Variants in SEM1 observed in about 807,000 individuals in gnomAD.
The protein encoded by SEM1 is 26S proteasome complex subunit SEM1.
In SEM1, 3 loss-of-function variants were observed where a neutral mutation model predicts 12.7. The ratio of observed to expected loss-of-function variants is 0.24; its 90% CI spans 0.11 to 0.61. The LOEUF (loss-of-function observed/expected upper bound fraction) is 0.61, where lower values mean the gene tolerates loss of function less well. Ranked by LOEUF, SEM1 falls within the 20% of genes least tolerant of loss-of-function variation. The pLI is 0.88. For missense variants in SEM1, 59 were observed against 81.3 expected (o/e 0.73, Z 1.06); for synonymous variants, 30 against 27.8 (o/e 1.08, Z -0.25).
chr7:96,698,560 C>G (rs1240662833), intron 1 of SEM1, among the ~76,000 whole-genome samples: 3 of 152,132 alleles, frequency 2.0e-5, no homozygotes, highest in African/African-American at 7.2e-5. Context: ...ATGATGGTTT[C>G]CAGCTTCATC....
intron 2 of SEM1, among the ~76,000 whole-genome samples, chr7:96,572,906 T>C (rs1021705717): frequency 3.3e-5 from 5 of 152,188 alleles, no homozygotes; most frequent in African/African-American, 9.7e-5. Flanking sequence ...ACTATTATTT[T>C]GTGAGAGTCT....
At chr7:96,576,978 G>A (rs556220818) in intron 2 of SEM1, among the ~76,000 whole-genome samples, 63 of 152,116 alleles carry the variant, frequency 4.1e-4, no homozygotes, top group African/African-American at 5.3e-4. Context: ...TTAGCCAGGC[G>A]TGGTGGCATG....
chr7:96,664,261 G>A (rs912639307), intron 2 of SEM1: 9 of 152,174 alleles, frequency 5.9e-5, no homozygotes. Context: ...GGTGTTAGCC[G>A]ACTGCATTCC....
chr7:96,639,214 T>C (rs549827441), intron 2 of SEM1, among the ~76,000 whole-genome samples: 1 of 152,078 alleles, frequency 6.6e-6, no homozygotes, highest in African/African-American at 2.4e-5. Context: ...TCAAAATATA[T>C]GGTCTTTTAA....
chr7:96,523,389 C>A (rs1804346271), intron 2 of SEM1, among the ~76,000 whole-genome samples: 1 of 151,986 alleles, frequency 6.6e-6, no homozygotes, highest in African/African-American at 2.4e-5. Flanking sequence ...AGAGGCGGGG[C>A]TTAGATTACT....
intron 2 of SEM1, among the ~76,000 whole-genome samples, chr7:96,509,318 C>A (rs911899867): frequency 6.6e-6 from 1 of 151,838 alleles, no homozygotes. Context: ...GAGACGCAAT[C>A]TTTATTATCA....
At chr7:96,541,440 T>TTTG (rs1241335022) in intron 2 of SEM1, among the ~76,000 whole-genome samples, 1 of 134,930 alleles carries the variant, frequency 7.4e-6, no homozygotes, top group African/African-American at 3.0e-5. Flanking sequence ...GGTTTTTTTT[T>TTTG]TTGTTTTTTT....
chr7:96,644,337 G>C (rs1401357134), intron 2 of SEM1, among the ~76,000 whole-genome samples: 3 of 152,086 alleles, frequency 2.0e-5, no homozygotes, highest in African/African-American at 7.2e-5. Flanking sequence ...AGTTCTATCA[G>C]CCTTGTAGAT....
intron 1 of SEM1, among the ~76,000 whole-genome samples, chr7:96,486,891 T>A (rs1161421892): frequency 6.6e-6 from 1 of 152,206 alleles, no homozygotes; most frequent in Non-Finnish European, 1.5e-5. Context: ...GTTCTTCTTC[T>A]GTGCCCCTGG....
exon 4 of SEM1, chr7:96,481,736 A>G (rs531425335): frequency 2.0e-5 from 3 of 152,316 alleles, no homozygotes; most frequent in African/African-American, 7.2e-5. Context: ...TCATATATGA[A>G]CATTTTAATT....
intron 2 of SEM1, among the ~76,000 whole-genome samples, chr7:96,551,105 G>C (rs979463734): frequency 6.6e-5 from 10 of 152,106 alleles, no homozygotes; most frequent in Admixed American, 5.9e-4. Context: ...ATATACAGGA[G>C]AGCACTTAAG....
intron 2 of SEM1, among the ~76,000 whole-genome samples, chr7:96,650,719 T>C (rs995366568): frequency 3.9e-5 from 6 of 151,950 alleles, no homozygotes; most frequent in African/African-American, 1.5e-4. Context: ...TCCAAAACTC[T>C]CACCATGTAA....
Position 96,658,347 on chromosome 7 carries a change from GA to G in SEM1, c.171-35705del, listed in dbSNP as rs1428723111. Among the ~76,000 whole-genome samples, 10 of 152,254 alleles carry G rather than the reference GA, an allele frequency of 6.6e-5. No individual in the cohort carries two copies. The East Asian group carries it at 1.5e-3, about 24-fold the overall frequency. On this transcript the variant is annotated intron_variant, in intron 2 of 2. Transcript: ENST00000417009. ...TGTGTTTGATCTATGCACTCACTTG[GA>G]AGATCAGAAATGCTTGGAAAATGCA... is the stretch of plus-strand genomic sequence containing the variant.
rs549766341 is a variant in SEM1, at chr7:96,674,381, C to T, written c.171-522G>A. On this transcript the variant is annotated intron_variant, in intron 2 of 2. Transcript: ENST00000413065. ...TCAAAAGAAGTATACAGGCTGGGTG[C>T]GGTGGCTCACACCTGTAATCCCAGT... Among the ~76,000 whole-genome samples the T allele has an allele frequency of 2.4e-4, 36 of 152,114 alleles. No individual in the cohort carries two copies. The East Asian group carries it at 5.6e-3, about 24-fold the overall frequency.
intron 1 of SEM1, among the ~76,000 whole-genome samples, chr7:96,707,739 G>A (rs140065827): frequency 8.0e-4 from 121 of 151,964 alleles, no homozygotes; most frequent in African/African-American, 2.8e-3. Context: ...AACTACACTC[G>A]CAAAAGCTGA....
intron 1 of SEM1, among the ~76,000 whole-genome samples, chr7:96,489,166 CAGA>C (rs1156399612): frequency 2.0e-5 from 3 of 152,242 alleles, no homozygotes; most frequent in East Asian, 3.9e-4. Flanking sequence ...ACAGTGCCGC[CAGA>C]AGAACACATG....
chr7:96,659,272 A>T lies in SEM1; in HGVS notation c.170+35526T>A, dbSNP rs574180789. ...AAATTTGAAAAGCAACAGGAAATAA[A>T]ACGATCCATAAATCACAGGTAGGCT... On this transcript the variant is annotated intron_variant, in intron 2 of 2. Coordinates refer to the SEM1 transcript ENST00000417009. Among the ~76,000 whole-genome samples, 92 of 152,326 alleles carry T rather than the reference A, an allele frequency of 6.0e-4. 2 individuals are homozygous for T. Among genetic ancestry groups the T allele is most frequent in the Admixed American group, 5.9e-3 (91 of 15,302 alleles).
intron 2 of SEM1, among the ~76,000 whole-genome samples, chr7:96,517,939 G>T (rs1219581044): frequency 6.6e-6 from 1 of 152,104 alleles, no homozygotes; most frequent in Non-Finnish European, 1.5e-5. Flanking sequence ...AGATGGAGAG[G>T]CATACTTGCA....
At chr7:96,619,347 T>G (rs1807814228), downstream of SEM1, among the ~76,000 whole-genome samples, 1 of 152,220 alleles carries the variant, frequency 6.6e-6, no homozygotes, top group African/African-American at 2.4e-5. Context: ...TTTGTATAAC[T>G]TCTTCAGCGG....
Sources: allele counts gnomAD v4.1 joint callset (sites outside exome capture counted in the v4.1 genomes callset), GRCh38; gene constraint gnomAD v4.1.1; transcripts MANE v1.5; gene names NCBI Gene and HGNC (gene_info 2026-07-23, HGNC 2026-07-21).